The following KIF23 variants were observed in gnomAD, a reference collection of about 807,000 sequenced individuals.
The protein encoded by KIF23 is kinesin family member 23, also known as kinesin-like protein KIF23.
In KIF23, 30 loss-of-function variants were observed where a neutral mutation model predicts 137.5. The ratio of observed to expected loss-of-function variants is 0.22; its 90% CI spans 0.16 to 0.30. The LOEUF is 0.30. Among genes scored for constraint, KIF23 ranks in the 10% least tolerant of loss-of-function variants. The pLI is 1.00. For missense variants in KIF23, 920 were observed against 1,194.3 expected (o/e 0.77, Z 3.38); for synonymous variants, 367 against 391.1 (o/e 0.94, Z 0.73).
chr15:69,429,153 C>A lies in KIF23; in HGVS notation c.1054C>A (p.Leu352Ile). 1 of 1,613,442 alleles carries A rather than the reference C, an allele frequency of 6.2e-7. No individual in the cohort carries two copies. Residue 352 changes from leucine (L) to isoleucine (I), a missense_variant, in exon 11 of 24, where the codon CTT becomes ATT. Leu to Ile is a conservative substitution (Grantham distance 5). Transcript: ENST00000679126. ...ITISQLSLVD[L>I]AGSERTNRTR... Reference sequence around the variant, plus strand: ...TATAAGTCAGTTGTCCTTGGTAGATCTTGCTGGAAGTGAAAGAACTAACCG... The same window carrying A: ...TATAAGTCAGTTGTCCTTGGTAGATATTGCTGGAAGTGAAAGAACTAACCG...
At chr15:69,434,622 T>C (rs889671717) in intron 11 of KIF23, 2 of 1,396,132 alleles carry the variant, frequency 1.4e-6, no homozygotes, top group Non-Finnish European at 1.0e-6. Context: ...ACATAGTTGA[T>C]GATGTAGGGG....
rs760462213 is a variant in KIF23 at position 69,439,925 on chromosome 15, A to G, written c.1777A>G (p.Thr593Ala). Residue 593 changes from threonine to alanine, a missense_variant, in exon 17 of 24, where the codon ACT becomes GCT. By Grantham distance (58) the Thr-to-Ala change is moderately conservative (BLOSUM62 0). Around this residue, in one of 4 missense-constraint regions of KIF23, gnomAD observed 714 missense variants for 866.2 expected, o/e 0.82. Coordinates refer to ENST00000679126, the MANE Select transcript of KIF23 (RefSeq NM_001367805.3). Reference sequence around the variant, plus strand: ...CTAGATTGAGATTTTAGAGAAAACAACTACTATCTATGAGGAAGATAAACG... The same window carrying G: ...CTAGATTGAGATTTTAGAGAAAACAGCTACTATCTATGAGGAAGATAAACG... ...EYKIEILEKT[T>A]TIYEEDKRNL... is the part of the protein sequence containing the mutation. 5.6e-6 allele frequency: 9 copies of G among 1,613,170 alleles called. No homozygotes were observed. Among genetic ancestry groups the G allele is most frequent in the Non-Finnish European group, 6.8e-6 (8 of 1,179,684 alleles).
chr15:69,432,642 A>G (rs2057383320), intron 11 of KIF23, among the ~76,000 whole-genome samples: 1 of 152,112 alleles, frequency 6.6e-6, no homozygotes, highest in African/African-American at 2.4e-5. Context: ...CCTTCCTGGT[A>G]TAGTATTTCT....
chr15:69,441,862 T>C (rs2057629338), intron 19 of KIF23, among the ~76,000 whole-genome samples: 1 of 151,978 alleles, frequency 6.6e-6, no homozygotes, highest in Admixed American at 6.6e-5. Flanking sequence ...TCAGTCTTCC[T>C]GAGCTGAAGT....
rs764582811 is a variant in KIF23, at chr15:69,423,348, C to A, written c.734+19C>A. The A allele has an allele frequency of 7.4e-6, 11 of 1,491,124 alleles. No homozygotes were observed. The highest frequency in any genetic ancestry group is 1.4e-5 in the South Asian group (1 of 72,832). 92.4% of individuals were successfully genotyped at this position (1,491,124 alleles called of 1,614,324 possible). The stretch of plus-strand genomic sequence containing the variant: ...AACCCAAGTAAGTAATAAAGAGAGC[C>A]CCTTCTTAGCTGTTAATGTTGGGGA... On this transcript the variant is annotated intron_variant, in intron 7 of 23. Transcript: ENST00000679126.
At chr15:69,434,992 A>G (rs2057440736) in intron 11 of KIF23, 4 of 617,670 alleles carry the variant, frequency 6.5e-6, no homozygotes, top group South Asian at 4.1e-5. Flanking sequence ...AGCTTCAGAA[A>G]CAGCACGGAC....
intron 20 of KIF23, among the ~76,000 whole-genome samples, chr15:69,445,700 T>G (rs2057726426): frequency 1.3e-5 from 2 of 152,316 alleles, no homozygotes; most frequent in South Asian, 2.1e-4. Context: ...GTGTAGAAAC[T>G]TCCAGCAAAT....
Position 69,435,640 on chromosome 15 carries a change from A to G in KIF23, c.1195-12A>G, listed in dbSNP as rs1348193215. Reference sequence around the variant, plus strand: ...TTTTGCGTAACACATTTGGATATGAATGTCTTTGTAGATGGTTCCATATCG... The same window carrying G: ...TTTTGCGTAACACATTTGGATATGAGTGTCTTTGTAGATGGTTCCATATCG... On this transcript the variant is annotated splice_polypyrimidine_tract_variant and intron_variant, in intron 12 of 23. Coordinates refer to ENST00000679126, the MANE Select transcript of KIF23 (RefSeq NM_001367805.3). 6.2e-7 allele frequency: 1 copy of G among 1,613,284 alleles called. No individual in the cohort carries two copies. Among genetic ancestry groups the G allele is most frequent in the Non-Finnish European group, 8.5e-7 (1 of 1,179,824 alleles).
At chr15:69,437,239 CAA>C (rs2057504566) in intron 15 of KIF23, among the ~76,000 whole-genome samples, 2 of 151,922 alleles carry the variant, frequency 1.3e-5, no homozygotes, top group East Asian at 3.9e-4. Context: ...CTAAGGAAGT[CAA>C]AAAGAAAAAA....
chr15:69,431,217 C>G (rs942784708), intron 11 of KIF23, among the ~76,000 whole-genome samples: 2 of 152,144 alleles, frequency 1.3e-5, no homozygotes, highest in African/African-American at 4.8e-5. Context: ...TTGAAATGTT[C>G]AATTTATGCA....
chr15:69,443,052 G>A (rs983007808), intron 19 of KIF23, among the ~76,000 whole-genome samples: 1 of 152,148 alleles, frequency 6.6e-6, no homozygotes, highest in African/African-American at 2.4e-5. Context: ...AGATGATAAG[G>A]ACCAGACTTT....
intron 11 of KIF23, among the ~76,000 whole-genome samples, chr15:69,431,537 C>T (rs1182052265): frequency 2.6e-5 from 4 of 152,252 alleles, no homozygotes; most frequent in African/African-American, 9.6e-5. Flanking sequence ...TGGCGTGAAC[C>T]CGTGAAGCAG....
rs201269884 is a variant in KIF23, at chr15:69,422,389, C to T, written c.517C>T (p.Arg173Cys). 2.0e-5 allele frequency: 33 copies of T among 1,609,900 alleles called. No individual in the cohort carries two copies. Among genetic ancestry groups the T allele is most frequent in the Non-Finnish European group, 2.8e-5 (33 of 1,177,094 alleles). Reference sequence around the variant, plus strand: ...GTGTGAGGTTGATGCCTTATTAGAACGTCAGAAAAGAGAAGCTATGCCCAA... The same window carrying T: ...GTGTGAGGTTGATGCCTTATTAGAATGTCAGAAAAGAGAAGCTATGCCCAA... ...IQCEVDALLE[R>C]QKREAMPNPK... is the part of the protein sequence containing the mutation. The change falls in exon 6 of 24, where the codon CGT becomes TGT. Residue 173 changes from arginine to cysteine, a missense_variant. Transcript: ENST00000679126.
chr15:69,418,030 A>T (rs1425074213), intron 3 of KIF23, among the ~76,000 whole-genome samples: 2 of 152,250 alleles, frequency 1.3e-5, no homozygotes, highest in Non-Finnish European at 2.9e-5. Context: ...TTTATAACTT[A>T]AGATATATGG....
rs1567059324 is a variant in KIF23 at position 69,421,705 on chromosome 15, ATGT to A, written c.273_275del (p.Val92del). 2.5e-6 allele frequency: 4 copies of A among 1,613,876 alleles called. No individual in the cohort carries two copies. On this transcript the variant is annotated inframe_deletion, in exon 4 of 24. Coordinates refer to ENST00000679126, the MANE Select transcript of KIF23 (RefSeq NM_001367805.3). ...CACACCACCCAGAAGGAACTCTTTG[ATGT>A]TGTGGCTAATCCCTTGGTCAATGAC...
At chr15:69,420,437 A>G (rs1403919144) in intron 3 of KIF23, among the ~76,000 whole-genome samples, 1 of 152,222 alleles carries the variant, frequency 6.6e-6, no homozygotes, top group African/African-American at 2.4e-5. Flanking sequence ...GCCTATGTGT[A>G]TCCTTTCAGT....
At chr15:69,428,683 A>C (rs1030411820) in intron 10 of KIF23, among the ~76,000 whole-genome samples, 4 of 150,992 alleles carry the variant, frequency 2.6e-5, no homozygotes, top group African/African-American at 9.7e-5. Flanking sequence ...AAAAAAAAAA[A>C]AACAAAAGAA....
chr15:69,433,821 T>TAC (rs2057409895), intron 11 of KIF23, among the ~76,000 whole-genome samples: 1 of 152,188 alleles, frequency 6.6e-6, no homozygotes. Context: ...TCTCCTGAAC[T>TAC]CAGAATCGAT....
At chr15:69,414,501 G>A in intron 1 of KIF23, 25 bp downstream of exon 1, 3 of 1,565,650 alleles carry the variant, frequency 1.9e-6, no homozygotes, top group Non-Finnish European at 2.6e-6. Flanking sequence ...GCCGAGCAGG[G>A]AGAGAGGGCG....
Sources: allele counts gnomAD v4.1 joint callset (sites outside exome capture counted in the v4.1 genomes callset), GRCh38; gene constraint gnomAD v4.1.1; regional missense constraint gnomAD v4.1.1; transcripts MANE v1.5; gene names NCBI Gene and HGNC (gene_info 2026-07-23, HGNC 2026-07-21).